The following GALNT13 variants were observed in gnomAD, a reference collection of about 807,000 sequenced individuals.
The protein encoded by GALNT13 is UDP-GalNAc:polypeptide N-acetylgalactosaminyltransferase 13.
A neutral mutation model predicts 64.2 loss-of-function variants in GALNT13; 28 were observed. The observed-to-expected ratio is 0.44, with a 90% CI of 0.32 to 0.60. GALNT13 has a LOEUF of 0.60. Ranked by LOEUF, GALNT13 falls within the 20% of genes least tolerant of loss-of-function variation. The pLI is 0.05. For missense variants in GALNT13, 577 were observed against 669.8 expected (o/e 0.86, Z 1.53); for synonymous variants, 214 against 224.6 (o/e 0.95, Z 0.42).
At chr2:154,215,498 C>T (rs1687993310) in intron 4 of GALNT13, among the ~76,000 whole-genome samples, 1 of 152,044 alleles carries the variant, frequency 6.6e-6, no homozygotes, top group African/African-American at 2.4e-5. Flanking sequence ...CACATTTGTC[C>T]ACTCATTCTT....
At chr2:154,375,144 A>G (rs1032152536) in intron 9 of GALNT13, among the ~76,000 whole-genome samples, 4 of 151,922 alleles carry the variant, frequency 2.6e-5, no homozygotes, top group African/African-American at 9.7e-5. Flanking sequence ...CCCGCCACCA[A>G]GCCCAGCTAA....
At chr2:153,870,679 AAAGAT>A (rs1413014735), upstream of GALNT13, among the ~76,000 whole-genome samples, 1 of 151,538 alleles carries the variant, frequency 6.6e-6, no homozygotes, top group Non-Finnish European at 1.5e-5. Flanking sequence ...GAAAAGATAT[AAAGAT>A]AATATCTCTG....
the GALNT13 span, among the ~76,000 whole-genome samples, chr2:153,080,061 G>T: frequency 4.6e-5 from 7 of 152,100 alleles, no homozygotes; most frequent in Non-Finnish European, 1.0e-4. Context: ...GTTCTTAGTT[G>T]TGTTTATTCT....
chr2:153,219,530 T>C, the GALNT13 span, among the ~76,000 whole-genome samples: 2 of 152,196 alleles, frequency 1.3e-5, no homozygotes, highest in Non-Finnish European at 2.9e-5. Context: ...CTGCAGGTGA[T>C]TTAAGTGCTG....
the GALNT13 span, among the ~76,000 whole-genome samples, chr2:153,491,287 A>T: frequency 6.6e-6 from 1 of 152,208 alleles, no homozygotes; most frequent in South Asian, 2.1e-4. Context: ...AAAAAATGTG[A>T]AGCTTCACAA....
chr2:154,164,556 A>T (rs1684916460), intron 4 of GALNT13, among the ~76,000 whole-genome samples: 1 of 152,116 alleles, frequency 6.6e-6, no homozygotes, highest in African/African-American at 2.4e-5. Context: ...GAAACAACAT[A>T]TATAGGATGT....
the GALNT13 span, among the ~76,000 whole-genome samples, chr2:153,344,370 C>T: frequency 1.3e-5 from 2 of 152,210 alleles, no homozygotes; most frequent in African/African-American, 4.8e-5. Context: ...TTGAAGAATA[C>T]AGACCAGTAA....
chr2:154,430,099 A>C, intron 11 of GALNT13, among the ~76,000 whole-genome samples: 1 of 152,184 alleles, frequency 6.6e-6, no homozygotes, highest in East Asian at 1.9e-4. Context: ...TGCTAACACA[A>C]TATTCATTCT....
At chr2:153,384,517 G>A in the GALNT13 span, among the ~76,000 whole-genome samples, 2 of 151,976 alleles carry the variant, frequency 1.3e-5, no homozygotes, top group Non-Finnish European at 2.9e-5. Flanking sequence ...CCTATTCAAA[G>A]GAGATGCCTG....
chr2:154,027,742 TC>T (rs1698071263), intron 3 of GALNT13, among the ~76,000 whole-genome samples: 1 of 152,038 alleles, frequency 6.6e-6, no homozygotes, highest in Non-Finnish European at 1.5e-5. Context: ...TCTATAAATA[TC>T]ATGGGGGATA....
At chr2:153,790,301 T>TATC in the GALNT13 span, among the ~76,000 whole-genome samples, 4 of 152,280 alleles carry the variant, frequency 2.6e-5, no homozygotes, top group South Asian at 8.3e-4. Flanking sequence ...TAATGTGATT[T>TATC]ATCACATAAA....
chr2:153,614,106 GT>G, the GALNT13 span, among the ~76,000 whole-genome samples: 225 of 152,060 alleles, frequency 1.5e-3, 1 homozygote, highest in Admixed American at 4.7e-3. Context: ...TGGCTTCTAG[GT>G]AGAGGTGAGT....
chr2:154,053,309 G>A (rs909347920), intron 3 of GALNT13, among the ~76,000 whole-genome samples: 2 of 151,934 alleles, frequency 1.3e-5, no homozygotes, highest in Non-Finnish European at 2.9e-5. Flanking sequence ...AATTTAATAT[G>A]GTACATGGCG....
the GALNT13 span, among the ~76,000 whole-genome samples, chr2:153,526,499 G>A: frequency 6.6e-6 from 1 of 152,184 alleles, no homozygotes; most frequent in Non-Finnish European, 1.5e-5. Flanking sequence ...CTAGGCTTGG[G>A]GTTTCCCCTA....
the GALNT13 span, among the ~76,000 whole-genome samples, chr2:153,863,714 G>A: frequency 6.6e-6 from 1 of 152,076 alleles, no homozygotes; most frequent in Non-Finnish European, 1.5e-5. Context: ...AAACATGCTT[G>A]ACATAATTAT....
the GALNT13 span, among the ~76,000 whole-genome samples, chr2:153,710,250 C>G: frequency 2.6e-5 from 4 of 151,984 alleles, no homozygotes; most frequent in Non-Finnish European, 5.9e-5. Flanking sequence ...GAAATCCATA[C>G]AACCACAATT....
the GALNT13 span, among the ~76,000 whole-genome samples, chr2:153,464,719 TAAG>T: frequency 6.6e-6 from 1 of 152,086 alleles, no homozygotes; most frequent in Non-Finnish European, 1.5e-5. Flanking sequence ...TTTTTGATAA[TAAG>T]TTATGTTTAA....
chr2:153,345,591 C>G, the GALNT13 span, among the ~76,000 whole-genome samples: 4 of 150,040 alleles, frequency 2.7e-5, no homozygotes, highest in South Asian at 8.6e-4. Flanking sequence ...CCCCAACCCC[C>G]ACGTGCCCTC....
intron 9 of GALNT13, among the ~76,000 whole-genome samples, chr2:154,386,915 G>A (rs964565310): frequency 6.6e-6 from 1 of 151,978 alleles, no homozygotes; most frequent in Non-Finnish European, 1.5e-5. Context: ...TTTTGACTGT[G>A]GATATTAGAG....
Sources: gnomAD v4.1 joint callset for allele counts (sites outside exome capture counted in the v4.1 genomes callset) on GRCh38, gnomAD v4.1.1 for gene constraint, MANE v1.5 for transcripts, NCBI Gene and HGNC (gene_info 2026-07-23, HGNC 2026-07-21) for gene names.